The following NR6A1 variants were observed in gnomAD, a reference collection of about 807,000 sequenced individuals.
NR6A1 encodes the protein retinoic acid receptor-related testis-associated receptor.
Under a neutral mutation model 59.1 loss-of-function variants are expected in NR6A1, and 7 were observed. The observed-to-expected ratio is 0.12, with a 90% CI of 0.07 to 0.22. NR6A1 has a LOEUF of 0.22. Among genes scored for constraint, NR6A1 ranks in the 10% least tolerant of loss-of-function variants. The probability of loss-of-function intolerance (pLI) is 1.00; values close to 1 mark genes in which losing one functional copy is unlikely to be tolerated. For missense variants in NR6A1, 468 were observed against 611.6 expected, an observed-to-expected ratio of 0.77 and a Z score of 2.48; for synonymous variants, 243 against 236.1, an observed-to-expected ratio of 1.03 and a Z score of -0.27.
intron 2 of NR6A1, among the ~76,000 whole-genome samples, chr9:124,714,897 T>C (rs974916805): frequency 2.0e-5 from 3 of 152,086 alleles, no homozygotes; most frequent in African/African-American, 2.4e-5. Context: ...ACTGACTTCG[T>C]AGATTAGAAG....
intron 2 of NR6A1, among the ~76,000 whole-genome samples, chr9:124,703,750 C>T (rs551113522): frequency 2.0e-5 from 3 of 152,210 alleles, no homozygotes; most frequent in Non-Finnish European, 2.9e-5. Context: ...ATACCATGCT[C>T]GTAGAATGAG....
Position 124,522,933 on chromosome 9 carries a change from T to C in NR6A1, c.1355-140A>G, listed in dbSNP as rs1159927661. Reference sequence around the variant, plus strand: ...AGAAGTGCCAGGAGTATCACAAAGGTTGGACACACTGGGCTAACATCCTAA... The same window carrying C: ...AGAAGTGCCAGGAGTATCACAAAGGCTGGACACACTGGGCTAACATCCTAA... On this transcript the variant is annotated intron_variant, in intron 9 of 9. Coordinates refer to ENST00000487099, the MANE Select transcript of NR6A1 (RefSeq NM_033334.4). The C allele has an allele frequency of 3.2e-5, 20 of 634,508 alleles. No individual in the cohort carries two copies. The Admixed American group carries it at 4.2e-4, about 13-fold the overall frequency. 39.3% of individuals were successfully genotyped at this position (634,508 alleles called of 1,614,324 possible). A position where few individuals can be genotyped will look rare whatever the true frequency, so the allele number is the denominator to read the frequency against.
chr9:124,722,265 G>A (rs141928078), intron 2 of NR6A1, among the ~76,000 whole-genome samples: 4 of 152,170 alleles, frequency 2.6e-5, no homozygotes, highest in East Asian at 3.9e-4. Flanking sequence ...CTGAATATAC[G>A]CAAAGTGCCT....
intron 2 of NR6A1, among the ~76,000 whole-genome samples, chr9:124,664,685 G>A (rs1837551702): frequency 6.6e-6 from 1 of 152,188 alleles, no homozygotes; most frequent in Admixed American, 6.5e-5. Context: ...AAGAACCTCA[G>A]CAGATGGTAC....
chr9:124,677,753 T>C (rs1027465569), intron 2 of NR6A1, among the ~76,000 whole-genome samples: 1 of 152,164 alleles, frequency 6.6e-6, no homozygotes, highest in African/African-American at 2.4e-5. Context: ...TAATCTCAGA[T>C]AGTATTCCTT....
intron 2 of NR6A1, among the ~76,000 whole-genome samples, chr9:124,633,157 C>T (rs1215514011): frequency 1.3e-5 from 2 of 152,114 alleles, no homozygotes; most frequent in Non-Finnish European, 2.9e-5. Flanking sequence ...GTAATCCCAG[C>T]TCTTTGGGAG....
intron 2 of NR6A1, among the ~76,000 whole-genome samples, chr9:124,620,545 C>T (rs1836039272): frequency 6.6e-6 from 1 of 152,170 alleles, no homozygotes; most frequent in Non-Finnish European, 1.5e-5. Flanking sequence ...TTCAAAACCA[C>T]CATGCTACGT....
chr9:124,582,382 A>G (rs1163462025), intron 2 of NR6A1, among the ~76,000 whole-genome samples: 2 of 152,188 alleles, frequency 1.3e-5, no homozygotes, highest in Non-Finnish European at 2.9e-5. Flanking sequence ...ACACGGACAC[A>G]TAGAGGGGAA....
At chr9:124,761,320 T>C (rs1204450794) in intron 1 of NR6A1, among the ~76,000 whole-genome samples, 1 of 152,216 alleles carries the variant, frequency 6.6e-6, no homozygotes, top group East Asian at 1.9e-4. Context: ...CCCAAATAAT[T>C]ATCTCACTGA....
chr9:124,618,806 C>T (rs181928824), intron 2 of NR6A1, among the ~76,000 whole-genome samples: 167 of 152,260 alleles, frequency 1.1e-3, no homozygotes, highest in Non-Finnish European at 1.8e-3. Flanking sequence ...GTATCACAGC[C>T]CACACTACAG....
intron 2 of NR6A1, among the ~76,000 whole-genome samples, chr9:124,567,831 C>CTTTTT (rs534591761): frequency 3.0e-5 from 3 of 101,310 alleles, no homozygotes; most frequent in African/African-American, 1.0e-4. Flanking sequence ...TAAAAATTTG[C>CTTTTT]TTTTTTTTTT....
intron 2 of NR6A1, among the ~76,000 whole-genome samples, chr9:124,589,395 G>C (rs549871221): frequency 3.9e-5 from 6 of 152,302 alleles, no homozygotes; most frequent in Non-Finnish European, 4.4e-5. Flanking sequence ...GCAGTGAGCC[G>C]AGATAGCACC....
intron 2 of NR6A1, chr9:124,598,596 T>C (rs1588698591): frequency 3.9e-6 from 1 of 255,038 alleles, no homozygotes; most frequent in Admixed American, 6.7e-5. Flanking sequence ...CGGCCTTTTG[T>C]AAAAATGAAA....
chr9:124,637,906 A>AG (rs1365070145), intron 2 of NR6A1, among the ~76,000 whole-genome samples: 17 of 150,550 alleles, frequency 1.1e-4, no homozygotes, highest in African/African-American at 2.5e-4. Context: ...AAAAAAAAAA[A>AG]AAAAAAGAAA....
At chr9:124,598,937 A>C in intron 2 of NR6A1, 1 of 704,852 alleles carries the variant, frequency 1.4e-6, no homozygotes, top group Non-Finnish European at 2.7e-6. Context: ...GTCGTTCCAG[A>C]CTCAGGCATG....
At chr9:124,763,661 G>A (rs1840843326) in intron 1 of NR6A1, among the ~76,000 whole-genome samples, 1 of 152,176 alleles carries the variant, frequency 6.6e-6, no homozygotes, top group African/African-American at 2.4e-5. Context: ...GATGAGGAAG[G>A]GGGATAAAGT....
chr9:124,587,870 T>C (rs970393170), intron 2 of NR6A1, among the ~76,000 whole-genome samples: 1 of 152,166 alleles, frequency 6.6e-6, no homozygotes, highest in Non-Finnish European at 1.5e-5. Context: ...GGATCAATAA[T>C]TCCCCCCTCC....
chr9:124,597,750 T>C (rs989389112), intron 2 of NR6A1, among the ~76,000 whole-genome samples: 3 of 152,216 alleles, frequency 2.0e-5, no homozygotes, highest in African/African-American at 7.2e-5. Context: ...CACAAGTTTT[T>C]TGAGAGCACT....
At chr9:124,668,220 T>C (rs1188095169) in intron 2 of NR6A1, among the ~76,000 whole-genome samples, 1 of 152,182 alleles carries the variant, frequency 6.6e-6, no homozygotes, top group Non-Finnish European at 1.5e-5. Context: ...ATATATTTAC[T>C]ATTCATTAAG....
Sources: allele counts gnomAD v4.1 joint callset (sites outside exome capture counted in the v4.1 genomes callset), GRCh38; gene constraint gnomAD v4.1.1; transcripts MANE v1.5; gene names NCBI Gene and HGNC (gene_info 2026-07-23, HGNC 2026-07-21).